FGF14: variants seen among roughly 807,000 people sequenced by gnomAD.
FGF14 encodes fibroblast growth factor homologous factor 4.
A neutral mutation model predicts 25.5 loss-of-function variants in FGF14; 5 were observed. That is an observed-to-expected ratio of 0.20 (90% CI 0.10 to 0.41). FGF14 has a LOEUF of 0.41. Among genes scored for constraint, FGF14 ranks in the 10% least tolerant of loss-of-function variants. The pLI is 1.00. For synonymous variants in FGF14, 138 were observed against 118.3 expected (o/e 1.17, Z -1.08); for missense variants, 222 against 320.1 (o/e 0.69, Z 2.34).
intron 3 of FGF14, among the ~76,000 whole-genome samples, chr13:101,738,064 G>A (rs1468785955): frequency 6.6e-6 from 1 of 151,988 alleles, no homozygotes; most frequent in Non-Finnish European, 1.5e-5. Flanking sequence ...TGAGCTTTTT[G>A]ATTTTCAAAG....
At chr13:102,015,899 G>T (rs1437332200) in intron 1 of FGF14, among the ~76,000 whole-genome samples, 6 of 151,974 alleles carry the variant, frequency 3.9e-5, no homozygotes, top group Non-Finnish European at 8.8e-5. Context: ...CAAGTTTTGT[G>T]CTATCTATTA....
intron 1 of FGF14, among the ~76,000 whole-genome samples, chr13:101,993,221 C>A (rs1394626182): frequency 3.4e-5 from 5 of 145,688 alleles, no homozygotes; most frequent in Non-Finnish European, 6.1e-5. Context: ...CAAACAAAAA[C>A]AACTACCAAC....
chr13:101,867,922 A>G (rs1566345223), intron 3 of FGF14, among the ~76,000 whole-genome samples: 1 of 150,178 alleles, frequency 6.7e-6, no homozygotes, highest in Admixed American at 6.7e-5. Context: ...ACACACACAC[A>G]CACACACACA....
At chr13:102,390,822 G>GT (rs1434189030) in intron 1 of FGF14, among the ~76,000 whole-genome samples, 2 of 152,138 alleles carry the variant, frequency 1.3e-5, no homozygotes, top group East Asian at 1.9e-4. Flanking sequence ...TAAAAATCTA[G>GT]TAAGTGTAAT....
At chr13:102,365,403 C>T (rs1445691092) in intron 1 of FGF14, among the ~76,000 whole-genome samples, 1 of 152,102 alleles carries the variant, frequency 6.6e-6, no homozygotes, top group Non-Finnish European at 1.5e-5. Flanking sequence ...TTAAAAAAAT[C>T]AATTAGAATT....
rs574675217 is a variant in FGF14 at position 102,129,602 on chromosome 13, GAAGA to G, written c.209-254310_209-254307del. 6.6e-5 allele frequency among the ~76,000 whole-genome samples: 10 copies of G among 151,466 alleles called. No homozygotes were observed. In the East Asian group the frequency reaches 2.0e-3, roughly 30 times the overall value. On this transcript the variant is annotated intron_variant, in intron 1 of 4. Transcript: ENST00000376131. ...ATGTGTACACACTAGTTCTCTTTGG[GAAGA>G]AACAAGCCAAGCACAAGTTTCAAAA... is the stretch of plus-strand genomic sequence containing the variant.
At chr13:102,369,005 C>T (rs531846861) in intron 1 of FGF14, among the ~76,000 whole-genome samples, 109 of 152,278 alleles carry the variant, frequency 7.2e-4, no homozygotes, top group African/African-American at 2.5e-3. Context: ...AGAGAGATTT[C>T]ATCATGAGTA....
intron 1 of FGF14, among the ~76,000 whole-genome samples, chr13:102,247,869 G>C (rs1192420324): frequency 1.3e-5 from 2 of 152,126 alleles, no homozygotes; most frequent in African/African-American, 4.8e-5. Flanking sequence ...GCTGCATGAA[G>C]AAAATGTGGT....
chr13:102,084,296 G>A (rs752192534), intron 1 of FGF14, among the ~76,000 whole-genome samples: 27 of 151,994 alleles, frequency 1.8e-4, no homozygotes, highest in Non-Finnish European at 3.4e-4. Context: ...TGCCCTACTA[G>A]AATATCAACT....
intron 3 of FGF14, among the ~76,000 whole-genome samples, chr13:101,781,966 A>G (rs1479753614): frequency 6.6e-6 from 1 of 152,228 alleles, no homozygotes; most frequent in East Asian, 1.9e-4. Context: ...CCTTGAATAA[A>G]GGTATCCCTT....
chr13:101,897,879 A>G (rs575145997), intron 1 of FGF14, among the ~76,000 whole-genome samples: 10 of 151,060 alleles, frequency 6.6e-5, no homozygotes, highest in Non-Finnish European at 1.3e-4. Context: ...TGAAGCCTTT[A>G]GGATTTTTAA....
At chr13:102,030,478 T>C (rs2041155365) in intron 1 of FGF14, among the ~76,000 whole-genome samples, 2 of 152,014 alleles carry the variant, frequency 1.3e-5, no homozygotes. Context: ...AAGGTCAAGT[T>C]CTTGAGACAG....
chr13:102,043,966 A>G (rs1003618731), intron 1 of FGF14, among the ~76,000 whole-genome samples: 2 of 152,208 alleles, frequency 1.3e-5, no homozygotes, highest in Non-Finnish European at 2.9e-5. Flanking sequence ...TACAGTGCTC[A>G]AGTTCTGTTA....
At chr13:101,746,745 CAT>C (rs1458240653) in intron 3 of FGF14, among the ~76,000 whole-genome samples, 1 of 151,984 alleles carries the variant, frequency 6.6e-6, no homozygotes, top group Non-Finnish European at 1.5e-5. Context: ...TGATTATTTA[CAT>C]GTTAAGCAGT....
At chr13:101,763,309 C>G (rs1269258474) in intron 3 of FGF14, among the ~76,000 whole-genome samples, 1 of 152,168 alleles carries the variant, frequency 6.6e-6, no homozygotes, top group Non-Finnish European at 1.5e-5. Context: ...CTCTGTAGCA[C>G]TGATTGGCAT....
intron 3 of FGF14, among the ~76,000 whole-genome samples, chr13:101,799,587 G>A (rs924027056): frequency 1.3e-5 from 2 of 152,032 alleles, no homozygotes; most frequent in African/African-American, 4.8e-5. Context: ...ATCATTTGGG[G>A]GAAATTGATA....
At chr13:101,919,803 AC>A (rs1305324223), upstream of FGF14, among the ~76,000 whole-genome samples, 2 of 152,186 alleles carry the variant, frequency 1.3e-5, no homozygotes, top group African/African-American at 4.8e-5. Flanking sequence ...CGTTAATAAC[AC>A]CTTGGAACAC....
chr13:102,233,712 T>C (rs1032984455), intron 1 of FGF14, among the ~76,000 whole-genome samples: 1 of 152,168 alleles, frequency 6.6e-6, no homozygotes, highest in African/African-American at 2.4e-5. Flanking sequence ...ATACTGCCTA[T>C]ATAAATTAGT....
At chr13:101,869,273 C>G (rs989021060) in intron 2 of FGF14, among the ~76,000 whole-genome samples, 7 of 152,136 alleles carry the variant, frequency 4.6e-5, no homozygotes, top group Non-Finnish European at 8.8e-5. Context: ...ACAGGTGATT[C>G]CAAAACTAAA....
Sources: gnomAD v4.1 joint callset for allele counts (sites outside exome capture counted in the v4.1 genomes callset) on GRCh38, gnomAD v4.1.1 for gene constraint, MANE v1.5 for transcripts, NCBI Gene and HGNC (gene_info 2026-07-23, HGNC 2026-07-21) for gene names.